Variants in RASSF3 observed in about 807,000 individuals in gnomAD.
RASSF3 encodes the protein Ras association domain family member 3.
RASSF3 carries 19 observed loss-of-function variants against 19.9 expected under a neutral mutation model. The observed-to-expected ratio is 0.96, with a 90% CI of 0.67 to 1.40. The LOEUF (loss-of-function observed/expected upper bound fraction) is 1.40. RASSF3 is among the 40% of genes most tolerant of loss of function. The pLI is 0.00. For synonymous variants in RASSF3, 110 were observed against 104.2 expected (o/e 1.06, Z -0.34); for missense variants, 306 against 289.8 (o/e 1.06, Z -0.41).
chr12:64,542,163 T>C (rs938219269), downstream of RASSF3, among the ~76,000 whole-genome samples: 13 of 151,738 alleles, frequency 8.6e-5, no homozygotes, highest in African/African-American at 2.9e-4. Context: ...AAAATAAAAA[T>C]AAATTAGCTG....
intron 2 of RASSF3, among the ~76,000 whole-genome samples, chr12:64,561,818 G>A (rs189161016): frequency 7.0e-6 from 1 of 142,742 alleles, no homozygotes; most frequent in Non-Finnish European, 1.5e-5. Flanking sequence ...TCAGCCTCCC[G>A]AGTAGCTGGG....
chr12:64,599,824 A>T (rs1870058603), intron 2 of RASSF3, among the ~76,000 whole-genome samples: 1 of 151,946 alleles, frequency 6.6e-6, no homozygotes, highest in African/African-American at 2.4e-5. Context: ...CGAGGTCAGG[A>T]GATCGAGACC....
chr12:64,507,834 G>A (rs941193695), intron 1 of RASSF3, among the ~76,000 whole-genome samples: 1 of 152,110 alleles, frequency 6.6e-6, no homozygotes, highest in African/African-American at 2.4e-5. Flanking sequence ...AGAATTTAAA[G>A]CACCTTATAT....
intron 1 of RASSF3, among the ~76,000 whole-genome samples, chr12:64,682,307 C>T (rs758541506): frequency 5.9e-5 from 9 of 152,162 alleles, no homozygotes; most frequent in East Asian, 1.9e-4. Flanking sequence ...ATAGGTGGCT[C>T]ACGCCTGTAA....
At chr12:64,566,950 G>A (rs78049567) in intron 2 of RASSF3, among the ~76,000 whole-genome samples, 2,075 of 152,328 alleles carry the variant, frequency 0.014, 48 homozygotes, top group African/African-American at 0.048. Context: ...GTGTAGCTTT[G>A]TGGGCAAGGC....
upstream of RASSF3, among the ~76,000 whole-genome samples, chr12:64,529,575 C>G (rs530660532): frequency 6.6e-6 from 1 of 151,988 alleles, no homozygotes; most frequent in Non-Finnish European, 1.5e-5. Flanking sequence ...GCAATGGTGC[C>G]GTCAAGAGGA....
chr12:64,594,647 T>C (rs1275649872), intron 2 of RASSF3, among the ~76,000 whole-genome samples: 3 of 152,144 alleles, frequency 2.0e-5, no homozygotes, highest in Non-Finnish European at 2.9e-5. Context: ...CACTTTGGTA[T>C]AGCGATTATT....
At chr12:64,625,119 A>C (rs999452709) in intron 1 of RASSF3, among the ~76,000 whole-genome samples, 2 of 152,138 alleles carry the variant, frequency 1.3e-5, no homozygotes, top group Non-Finnish European at 2.9e-5. Flanking sequence ...GGAAATTGGA[A>C]ATTAGGTCTG....
At position 64,670,563 on chromosome 12, in the gene RASSF3, T is replaced by TG. The variant is rs1416611442; in HGVS notation, c.112-14217dup. ...CTCTCTCTTTTTTTTTTTTTTTTTG[T>TG]GGGGGGGATCTTTTCATTAAAAAAC... is the stretch of plus-strand genomic sequence containing the variant. On this transcript the variant is annotated intron_variant, in intron 1 of 4. Coordinates refer to ENST00000542104, the MANE Select transcript of RASSF3 (RefSeq NM_178169.4). 5.8e-3 allele frequency among the ~76,000 whole-genome samples: 699 copies of TG among 119,932 alleles called. 4 individuals carry two copies. The highest frequency in any genetic ancestry group is 0.019 in the African/African-American group (659 of 34,156). 78.7% of individuals were successfully genotyped at this position (119,932 alleles called of 152,430 possible).
intron 3 of RASSF3, 46 bp downstream of exon 3, chr12:64,688,499 A>G (rs1400581844): frequency 7.4e-7 from 1 of 1,348,598 alleles, no homozygotes; most frequent in South Asian, 1.2e-5. Flanking sequence ...TTCTACTTGC[A>G]TCTGCTGTTC....
intron 1 of RASSF3, among the ~76,000 whole-genome samples, chr12:64,508,103 T>C (rs547765373): frequency 6.6e-6 from 1 of 152,312 alleles, no homozygotes; most frequent in Admixed American, 6.5e-5. Context: ...TTCACACCCA[T>C]GTAGCTCAGA....
intron 2 of RASSF3, among the ~76,000 whole-genome samples, chr12:64,600,320 C>A (rs1177442350): frequency 6.6e-6 from 1 of 151,934 alleles, no homozygotes. Context: ...GACATACGCA[C>A]ACACATCACC....
intron 2 of RASSF3, among the ~76,000 whole-genome samples, chr12:64,597,619 G>A (rs952990141): frequency 4.0e-5 from 6 of 150,772 alleles, no homozygotes; most frequent in Non-Finnish European, 5.9e-5. Flanking sequence ...CACCACGCCT[G>A]GCTAATTTTT....
At position 64,585,211 on chromosome 12, in the gene RASSF3, T is replaced by C. The variant is rs79211525; in HGVS notation, c.294+43506T>C. On this transcript the variant is annotated intron_variant, in intron 2 of 5. Coordinates refer to the RASSF3 transcript ENST00000637125. Reference sequence around the variant, plus strand: ...AATATTTTCTTAAATGTGAACCAGATTACATCTGATGTTAAAATCCCTACT... The same window carrying C: ...AATATTTTCTTAAATGTGAACCAGACTACATCTGATGTTAAAATCCCTACT... Among the ~76,000 whole-genome samples, 851 of 152,168 alleles carry C rather than the reference T, an allele frequency of 5.6e-3. 4 individuals carry two copies. The highest frequency in any genetic ancestry group is 0.01 in the Non-Finnish European group (687 of 67,998).
intron 2 of RASSF3, among the ~76,000 whole-genome samples, chr12:64,584,879 CTTTTTTTTTTT>C (rs34522445): frequency 3.7e-5 from 3 of 80,800 alleles, no homozygotes; most frequent in African/African-American, 1.5e-4. Flanking sequence ...CAGAAGGATT[CTTTTTTTTTTT>C]TTTTTTTTTT....
intron 2 of RASSF3, among the ~76,000 whole-genome samples, chr12:64,552,010 G>A (rs1290750823): frequency 6.6e-6 from 1 of 152,150 alleles, no homozygotes; most frequent in African/African-American, 2.4e-5. Flanking sequence ...AAACCCCTGG[G>A]GTTTGTTGGT....
At chr12:64,512,482 G>C (rs1179256398) in intron 1 of RASSF3, among the ~76,000 whole-genome samples, 1 of 152,062 alleles carries the variant, frequency 6.6e-6, no homozygotes, top group Non-Finnish European at 1.5e-5. Flanking sequence ...GTCTCTGAGA[G>C]GGAGACAGCT....
rs368431018 is a variant in RASSF3, at chr12:64,688,395, C to T, written c.399C>T (p.Leu133=). Residue 133 remains leucine (L), a synonymous_variant, in exon 3 of 5, where the codon CTC becomes CTT. Transcript: ENST00000542104. ...EVIEALLKKF[L]VTESPAKFAL... ...TCGAGGCCCTGCTCAAAAAGTTTCTCGTGACTGAGAGCCCTGCCAAGTTTG... is the reference window on the plus strand; with the variant it reads ...TCGAGGCCCTGCTCAAAAAGTTTCTTGTGACTGAGAGCCCTGCCAAGTTTG... The T allele has an allele frequency of 2.0e-4, 326 of 1,614,176 alleles. 7 individuals carry two copies. Among genetic ancestry groups the T allele is most frequent in the East Asian group, 1.7e-3 (77 of 44,878 alleles).
intron 1 of RASSF3, among the ~76,000 whole-genome samples, chr12:64,638,547 T>G (rs946923582): frequency 1.7e-4 from 25 of 146,968 alleles, no homozygotes; most frequent in Non-Finnish European, 3.3e-4. Flanking sequence ...GCCACTGCAC[T>G]GCAGCCTGGG....
Sources: allele counts gnomAD v4.1 joint callset (sites outside exome capture counted in the v4.1 genomes callset), GRCh38; gene constraint gnomAD v4.1.1; transcripts MANE v1.5; gene names NCBI Gene and HGNC (gene_info 2026-07-23, HGNC 2026-07-21).